TUT7: variants seen among roughly 807,000 people sequenced by gnomAD.
TUT7 encodes the protein terminal uridylyl transferase 7.
Under a neutral mutation model 165.9 loss-of-function variants are expected in TUT7, and 33 were observed. That is an observed-to-expected ratio of 0.20 (90% CI 0.15 to 0.27). The LOEUF (loss-of-function observed/expected upper bound fraction) is 0.27. Ranked by LOEUF, TUT7 falls within the 10% of genes least tolerant of loss-of-function variation. The pLI is 1.00. For synonymous variants in TUT7, 552 were observed against 608.1 expected (o/e 0.91, Z 1.36); for missense variants, 1,338 against 1,762.3 (o/e 0.76, Z 4.31).
At chr9:86,298,418 T>G (rs1349136901) in intron 26 of TUT7, among the ~76,000 whole-genome samples, 1 of 152,156 alleles carries the variant, frequency 6.6e-6, no homozygotes. Context: ...TTCCTTACTT[T>G]GTGTGTGGCA....
intron 26 of TUT7, among the ~76,000 whole-genome samples, chr9:86,291,141 G>A (rs890490893): frequency 3.9e-5 from 6 of 152,124 alleles, no homozygotes; most frequent in Admixed American, 2.0e-4. Context: ...AAGATATACT[G>A]CAGGTAGACA....
At chr9:86,339,916 C>T in intron 8 of TUT7, 120 bp downstream of exon 8, 1 of 740,608 alleles carries the variant, frequency 1.4e-6, no homozygotes, top group Admixed American at 2.2e-5. Flanking sequence ...TAGTAGGAAC[C>T]ATGTGTGATA....
At position 86,322,512 on chromosome 9, in the gene TUT7, C is replaced by T. The variant is rs41283661; in HGVS notation, c.2878-37G>A. 9,033 of 1,576,756 alleles carry T rather than the reference C, an allele frequency of 5.7e-3. 42 individuals carry two copies. Among genetic ancestry groups the T allele is most frequent in the Middle Eastern group, 0.02 (115 of 5,856 alleles). On this transcript the variant is annotated intron_variant, in intron 13 of 26. Coordinates refer to ENST00000375963, the MANE Select transcript of TUT7 (RefSeq NM_024617.4). ...TGGCAAAGCAAAACAAGACTTAACA[C>T]TTTATTTGCCAAATAAAGGAGTCTG...
chr9:86,312,440 G>A (rs891652041), intron 17 of TUT7, among the ~76,000 whole-genome samples: 3 of 151,988 alleles, frequency 2.0e-5, no homozygotes, highest in Non-Finnish European at 4.4e-5. Context: ...CCCCGTCTGG[G>A]AAGTGAGGAG....
chr9:86,321,671 G>A (rs909042248), intron 14 of TUT7, among the ~76,000 whole-genome samples: 2 of 152,076 alleles, frequency 1.3e-5, no homozygotes, highest in Non-Finnish European at 2.9e-5. Context: ...AGAGGCTGTG[G>A]AGAGCTGATA....
intron 17 of TUT7, among the ~76,000 whole-genome samples, chr9:86,312,925 G>C (rs1005191134): frequency 1.8e-4 from 28 of 151,886 alleles, no homozygotes; most frequent in African/African-American, 6.0e-4. Context: ...TGCTCGTTAA[G>C]AGTCATCACC....
intron 10 of TUT7, chr9:86,336,962 G>A (rs576023528): frequency 3.9e-5 from 6 of 154,150 alleles, no homozygotes; most frequent in Admixed American, 2.5e-4. Flanking sequence ...CAATTTCAAT[G>A]TTTATATATT....
rs1173895328 is a variant in TUT7, at chr9:86,317,387, ATATC to A, written c.3217-115_3217-112del. The A allele has an allele frequency of 1.3e-5, 12 of 935,456 alleles. No individual in the cohort carries two copies. In the East Asian group the frequency reaches 2.7e-4, roughly 21 times the overall value. The allele number at this position is 935,456 out of a possible 1,614,324, so 57.9% of individuals were successfully genotyped here. Reference sequence around the variant, plus strand: ...AATGTAATTAATTTCAAGTCAGTCTATATCTATTTTTTTCCTTTCTAGTTGGGTA... The same window carrying A: ...AATGTAATTAATTTCAAGTCAGTCTATATTTTTTTCCTTTCTAGTTGGGTA... On this transcript the variant is annotated intron_variant, in intron 16 of 26. Coordinates refer to ENST00000375963, the MANE Select transcript of TUT7 (RefSeq NM_024617.4).
chr9:86,313,971 G>A (rs1828473242), intron 17 of TUT7, among the ~76,000 whole-genome samples: 1 of 152,194 alleles, frequency 6.6e-6, no homozygotes, highest in African/African-American at 2.4e-5. Flanking sequence ...GGGAAAGGGG[G>A]CAAGGAAGCT....
chr9:86,322,294 T>C, intron 14 of TUT7, 31 bp downstream of exon 14: 1 of 1,595,666 alleles, frequency 6.3e-7, no homozygotes, highest in Non-Finnish European at 8.6e-7. Flanking sequence ...TTTAATATTT[T>C]GACAAATCAA....
intron 12 of TUT7, 31 bp downstream of exon 12, chr9:86,325,303 G>T (rs202088838): frequency 5.0e-6 from 8 of 1,592,624 alleles, no homozygotes; most frequent in African/African-American, 2.7e-5. Flanking sequence ...AAAAAAGAGT[G>T]GGGGGGAATA....
At chr9:86,307,073 C>CT (rs1827576201) in intron 22 of TUT7, among the ~76,000 whole-genome samples, 2 of 151,990 alleles carry the variant, frequency 1.3e-5, no homozygotes, top group South Asian at 4.1e-4. Context: ...GAGTTCGAAA[C>CT]TAGCCTTGCC....
chr9:86,338,796 A>T (rs1191885434), intron 9 of TUT7, 27 bp downstream of exon 9: 12 of 1,569,258 alleles, frequency 7.6e-6, no homozygotes, highest in Non-Finnish European at 1.0e-5. Context: ...TGTAGAATGT[A>T]TTCATGCATA....
At chr9:86,322,068 C>A (rs887517479) in intron 14 of TUT7, among the ~76,000 whole-genome samples, 3 of 151,896 alleles carry the variant, frequency 2.0e-5, no homozygotes, top group African/African-American at 7.3e-5. Context: ...AGAATGAGAT[C>A]CTGTCTCAAA....
intron 22 of TUT7, 82 bp downstream of exon 22, chr9:86,308,347 G>A: frequency 7.8e-7 from 1 of 1,286,590 alleles, no homozygotes. Flanking sequence ...GCAGCTGGAA[G>A]AGCTCTGCAA....
intron 26 of TUT7, among the ~76,000 whole-genome samples, chr9:86,292,615 A>G (rs967781235): frequency 6.6e-6 from 1 of 151,576 alleles, no homozygotes; most frequent in African/African-American, 2.4e-5. Context: ...ATTAAAAAAA[A>G]AAAAAAAAGA....
chr9:86,338,239 T>C (rs1397666956), intron 9 of TUT7, among the ~76,000 whole-genome samples: 1 of 142,732 alleles, frequency 7.0e-6, no homozygotes, highest in Non-Finnish European at 1.5e-5. Flanking sequence ...TGAGACAGAG[T>C]CTTGCTCTGT....
At chr9:86,314,827 T>G (rs558853501) in intron 17 of TUT7, among the ~76,000 whole-genome samples, 1 of 152,266 alleles carries the variant, frequency 6.6e-6, no homozygotes, top group South Asian at 2.1e-4. Flanking sequence ...CATTTGAAAA[T>G]CTCCAAATGT....
intron 10 of TUT7, among the ~76,000 whole-genome samples, chr9:86,331,192 C>T (rs7038087): frequency 0.022 from 3,265 of 151,838 alleles, 98 homozygotes; most frequent in African/African-American, 0.07. Flanking sequence ...CACAGGATTG[C>T]TTGAGCCCAG....
Sources: allele counts gnomAD v4.1 joint callset (sites outside exome capture counted in the v4.1 genomes callset), GRCh38; gene constraint gnomAD v4.1.1; transcripts MANE v1.5; gene names NCBI Gene and HGNC (gene_info 2026-07-23, HGNC 2026-07-21).